Variants in SLC66A2 observed in about 807,000 individuals in gnomAD.
SLC66A2 encodes solute carrier family 66 member 2, also known as PQ loop repeat containing 1.
In SLC66A2, 23 loss-of-function variants were observed where a neutral mutation model predicts 25.5. The observed-to-expected ratio is 0.90, with a 90% CI of 0.65 to 1.28. The LOEUF (loss-of-function observed/expected upper bound fraction) is 1.28. SLC66A2 is among the 50% of genes most tolerant of loss of function. The pLI is 0.00. For synonymous variants in SLC66A2, 193 were observed against 166.5 expected, an observed-to-expected ratio of 1.16 and a Z score of -1.23; for missense variants, 396 against 373.1, an observed-to-expected ratio of 1.06 and a Z score of -0.51.
rs1269547579 is a variant in SLC66A2, at chr18:79,951,017, C to T, written c.-91G>A. The stretch of plus-strand genomic sequence containing the variant: ...ATCGCCGCTCCGCGCGCTCCTGCGG[C>T]CTCGGGGCCTGCGGGGAGCGGGGAG... On this transcript the variant is annotated 5_prime_UTR_variant, in exon 2 of 6. Transcript: ENST00000397778. 2 of 1,004,156 alleles carry T rather than the reference C, an allele frequency of 2.0e-6. No individual in the cohort carries two copies. Among genetic ancestry groups the T allele is most frequent in the East Asian group, 3.3e-5 (1 of 30,016 alleles). The allele number at this position is 1,004,156 out of a possible 1,614,324, so 62.2% of individuals were successfully genotyped here. A position where few individuals can be genotyped will look rare whatever the true frequency, so the allele number is the denominator to read the frequency against.
chr18:79,951,603 A>AGCGCCCC lies in SLC66A2; in HGVS notation c.-129_-123dup, dbSNP rs1391945539. The AGCGCCCC allele has an allele frequency of 3.1e-4, 47 of 150,662 alleles. No individual in the cohort carries two copies. The highest frequency in any genetic ancestry group is 1.1e-3 in the African/African-American group (47 of 41,120). The allele number at this position is 150,662 out of a possible 1,614,324, so 9.3% of individuals were successfully genotyped here. ...TACCTGCGCCCCCAGCCCCGCGCCCAGCGCCCCGCGTCCCCGCGCCGCTGA... is the reference window on the plus strand; with the variant it reads ...TACCTGCGCCCCCAGCCCCGCGCCCAGCGCCCCGCGCCCCGCGTCCCCGCGCCGCTGA... On this transcript the variant is annotated 5_prime_UTR_variant, in exon 1 of 6. Transcript: ENST00000397778.
intron 4 of SLC66A2, among the ~76,000 whole-genome samples, chr18:79,929,380 G>GGGAGAAGAGAA (rs1986329795): frequency 6.6e-6 from 1 of 152,160 alleles, no homozygotes; most frequent in African/African-American, 2.4e-5. Flanking sequence ...CCACATCTGA[G>GGGAGAAGAGAA]GGAGAAGAGG....
In SLC66A2 at chr18:79,904,199, C is replaced by G. The variant is rs765550364; in HGVS notation, c.609-16G>C. 5 of 1,611,742 alleles carry G rather than the reference C, an allele frequency of 3.1e-6. No homozygotes were observed. The African/African-American group carries it at 6.7e-5, about 22-fold the overall frequency. On this transcript the variant is annotated splice_polypyrimidine_tract_variant and intron_variant, in intron 5 of 5. Transcript: ENST00000397778. This position sits in a 1 kb window ranked among gnomAD's most constrained non-coding sequence, Gnocchi z 6.3. ...CATCTTGATGCTGTGGAGACACAAG[C>G]AGGCGGTCAGCGGTGGGGAGGGCGG...
At chr18:79,922,413 G>A (rs879140515) in intron 4 of SLC66A2, among the ~76,000 whole-genome samples, 4 of 152,084 alleles carry the variant, frequency 2.6e-5, no homozygotes, top group Non-Finnish European at 4.4e-5. Flanking sequence ...GGTTAACCAC[G>A]GTCTCCTGTT....
At chr18:79,924,732 A>G (rs1425984191) in intron 4 of SLC66A2, among the ~76,000 whole-genome samples, 3 of 152,320 alleles carry the variant, frequency 2.0e-5, no homozygotes, top group Middle Eastern at 3.4e-3. Context: ...AAAAGTATCT[A>G]CTTATTACTT....
At position 79,934,017 on chromosome 18, in the gene SLC66A2, C is replaced by A. The variant is rs1446382577; in HGVS notation, c.343G>T (p.Asp115Tyr). ...NARRRSFTAA[D>Y]SKDEEVKVAP... ...ACCTTGACTTCTTCATCCTTGCTAT[C>A]TGCAGCTACACGTTAAAAAGGGAGA... The change falls in exon 4 of 6, where the codon GAT (aspartate) becomes TAT (tyrosine). Residue 115 changes from aspartate to tyrosine, a missense_variant. Asp to Tyr is a radical substitution (Grantham distance 160, BLOSUM62 -3). Transcript: ENST00000397778. 1 of 1,612,076 alleles carries A rather than the reference C, an allele frequency of 6.2e-7. No individual in the cohort carries two copies. Among genetic ancestry groups the A allele is most frequent in the Non-Finnish European group, 8.5e-7 (1 of 1,179,508 alleles).
rs1008343548 is a variant in SLC66A2, at chr18:79,917,189, C to T, written c.608+1995G>A. Among the ~76,000 whole-genome samples, 16 of 152,260 alleles carry T rather than the reference C, an allele frequency of 1.1e-4. No individual in the cohort carries two copies. Among genetic ancestry groups the T allele is most frequent in the East Asian group, 1.9e-4 (1 of 5,198 alleles). The stretch of plus-strand genomic sequence containing the variant: ...GACAGGCCTGCCTGCAGGGCCGCCT[C>T]GGCCAGCATCTGGAAACTCGGGTTT... On this transcript the variant is annotated intron_variant, in intron 5 of 5. Transcript: ENST00000397778. The surrounding 1 kb of genome is among the most constrained non-coding windows in gnomAD (Gnocchi z 6.0).
chr18:79,946,918 T>C (rs1281949668), intron 2 of SLC66A2, among the ~76,000 whole-genome samples: 1 of 151,962 alleles, frequency 6.6e-6, no homozygotes, highest in Non-Finnish European at 1.5e-5. Flanking sequence ...TGAGCCGAGA[T>C]TGTGCCACTA....
chr18:79,930,548 T>C (rs1361162461), intron 4 of SLC66A2, among the ~76,000 whole-genome samples: 3 of 152,204 alleles, frequency 2.0e-5, no homozygotes, highest in African/African-American at 7.2e-5. Context: ...TTATAAAAGA[T>C]GATATCGGTC....
In SLC66A2 at chr18:79,950,826, A is replaced by C. The variant is rs2051095053; in HGVS notation, c.101T>G (p.Val34Gly). 1 of 1,612,484 alleles carries C rather than the reference A, an allele frequency of 6.2e-7. No individual in the cohort carries two copies. Among genetic ancestry groups the C allele is most frequent in the African/African-American group, 1.3e-5 (1 of 74,910 alleles). ...CCTGCGAATGTCCCGATACTGCGGG[A>C]CGTAGGGCACCACCCCTCCGAAGAC... ...AMVFGGVVPYVPQYRDIRRTQ... is the reference protein window; with the variant it reads ...AMVFGGVVPYGPQYRDIRRTQ... Residue 34 changes from valine (V) to glycine (G), a missense_variant, in exon 2 of 6, where the codon GTC becomes GGC. By Grantham distance (109) the Val-to-Gly change is moderately radical. Transcript: ENST00000397778.
At chr18:79,916,293 C>T (rs918209758) in intron 5 of SLC66A2, among the ~76,000 whole-genome samples, 6 of 151,466 alleles carry the variant, frequency 4.0e-5, no homozygotes, top group African/African-American at 1.2e-4. Context: ...CTCCCGTACC[C>T]GTGGTGCTCC....
At chr18:79,925,344 G>A (rs192391814) in intron 4 of SLC66A2, among the ~76,000 whole-genome samples, 8 of 152,330 alleles carry the variant, frequency 5.3e-5, no homozygotes, top group Admixed American at 2.0e-4. Flanking sequence ...ATGCACACCC[G>A]TGGTCACGCA....
At chr18:79,913,884 A>C (rs1231397565) in intron 5 of SLC66A2, among the ~76,000 whole-genome samples, 1 of 152,212 alleles carries the variant, frequency 6.6e-6, no homozygotes, top group East Asian at 1.9e-4. Flanking sequence ...GTCACGTTTC[A>C]GGCTCATGTC....
At chr18:79,948,617 A>T (rs1336886175) in intron 2 of SLC66A2, among the ~76,000 whole-genome samples, 1 of 152,174 alleles carries the variant, frequency 6.6e-6, no homozygotes, top group Non-Finnish European at 1.5e-5. Flanking sequence ...CTGGAATTAC[A>T]GGAGCGGGCC....
chr18:79,939,462 G>A (rs751808768), intron 3 of SLC66A2, among the ~76,000 whole-genome samples: 10 of 152,162 alleles, frequency 6.6e-5, no homozygotes, highest in Non-Finnish European at 1.2e-4. Flanking sequence ...ACCTACAGAT[G>A]GGAGAAAATT....
rs963191648 is a variant in SLC66A2 at position 79,941,210 on chromosome 18, G to A, written c.337+2119C>T. ...AGGCAGAACTCAGCTCCCCGTGGTC[G>A]GGGGCTCTGCTGCCTGTAAAGCGAC... is the stretch of plus-strand genomic sequence containing the variant. On this transcript the variant is annotated intron_variant, in intron 3 of 5. Coordinates refer to ENST00000397778, the MANE Select transcript of SLC66A2 (RefSeq NM_025078.5). This position sits in a 1 kb window ranked among gnomAD's most constrained non-coding sequence, Gnocchi z 4.1. 3.9e-5 allele frequency among the ~76,000 whole-genome samples: 6 copies of A among 152,160 alleles called. No individual in the cohort carries two copies. The highest frequency in any genetic ancestry group is 9.7e-5 in the African/African-American group (4 of 41,422).
At chr18:79,911,123 T>A (rs2123225672) in intron 5 of SLC66A2, among the ~76,000 whole-genome samples, 1 of 152,342 alleles carries the variant, frequency 6.6e-6, no homozygotes, top group African/African-American at 2.4e-5. Context: ...CGTGGGCTGC[T>A]TTGCTGTCTG....
intron 5 of SLC66A2, among the ~76,000 whole-genome samples, chr18:79,907,340 T>A (rs1285991381): frequency 7.3e-6 from 1 of 136,730 alleles, no homozygotes; most frequent in Non-Finnish European, 1.5e-5. Context: ...TATAGTTTTT[T>A]TTTTTTTTGG....
Position 79,914,121 on chromosome 18 carries a change from G to A in SLC66A2, c.608+5063C>T, listed in dbSNP as rs578132048. ...GGGTTTCACCATCTTGGCCAGGCTG[G>A]TCTTGAACTCCTAACCTTGTGATCC... is the stretch of plus-strand genomic sequence containing the variant. On this transcript the variant is annotated intron_variant, in intron 5 of 5. Transcript: ENST00000397778. Among the ~76,000 whole-genome samples the A allele has an allele frequency of 1.3e-4, 20 of 152,298 alleles. No homozygotes were observed. In the South Asian group the frequency reaches 3.5e-3, roughly 27 times the overall value.
Sources: allele counts gnomAD v4.1 joint callset (sites outside exome capture counted in the v4.1 genomes callset), GRCh38; gene constraint gnomAD v4.1.1; non-coding constraint Gnocchi (gnomAD v3.1); transcripts MANE v1.5; gene names NCBI Gene and HGNC (gene_info 2026-07-23, HGNC 2026-07-21).